Variants in AKAP6 observed in about 807,000 individuals in gnomAD.
The protein encoded by AKAP6 is A-kinase anchor protein 6.
A neutral mutation model predicts 188.5 loss-of-function variants in AKAP6; 58 were observed. The observed-to-expected ratio is 0.31, with a 90% CI of 0.25 to 0.38. The LOEUF (loss-of-function observed/expected upper bound fraction) is 0.38. AKAP6 is among the 10% of genes least tolerant of loss of function. The pLI, the probability that AKAP6 is intolerant of heterozygous loss-of-function variation, is 1.00. For synonymous variants in AKAP6, 989 were observed against 998.6 expected, an observed-to-expected ratio of 0.99 and a Z score of 0.18; for missense variants, 2,710 against 2,740.0, an observed-to-expected ratio of 0.99 and a Z score of 0.24.
At chr14:32,469,869 A>G (rs1189210863) in intron 2 of AKAP6, among the ~76,000 whole-genome samples, 1 of 152,198 alleles carries the variant, frequency 6.6e-6, no homozygotes, top group African/African-American at 2.4e-5. Context: ...GATGCTTGAC[A>G]TGCATATATG....
intron 1 of AKAP6, among the ~76,000 whole-genome samples, chr14:32,382,871 G>A (rs2138557421): frequency 6.6e-6 from 1 of 152,204 alleles, no homozygotes; most frequent in South Asian, 2.1e-4. Flanking sequence ...GTAGCAGCTG[G>A]GCTGAGGAGA....
chr14:32,607,353 A>C (rs1290113981), intron 7 of AKAP6, among the ~76,000 whole-genome samples: 3 of 152,244 alleles, frequency 2.0e-5, no homozygotes, highest in African/African-American at 4.8e-5. Context: ...ACTGATGCAC[A>C]TATTTGTAAG....
At chr14:32,776,579 C>T (rs555018914) in intron 12 of AKAP6, among the ~76,000 whole-genome samples, 1 of 152,308 alleles carries the variant, frequency 6.6e-6, no homozygotes, top group Non-Finnish European at 1.5e-5. Flanking sequence ...GAAATACTTG[C>T]ACATAGTAGG....
intron 11 of AKAP6, among the ~76,000 whole-genome samples, chr14:32,756,144 C>T (rs1464389864): frequency 6.6e-6 from 1 of 151,990 alleles, no homozygotes; most frequent in East Asian, 1.9e-4. Context: ...TAGGATCATG[C>T]CTGGAGCTAG....
intron 7 of AKAP6, among the ~76,000 whole-genome samples, chr14:32,601,368 TACA>T (rs1295548922): frequency 6.6e-6 from 1 of 152,222 alleles, no homozygotes; most frequent in African/African-American, 2.4e-5. Context: ...AAGCACCGAA[TACA>T]ACAAGTACTT....
At chr14:32,507,105 C>T (rs964679303) in intron 2 of AKAP6, among the ~76,000 whole-genome samples, 1 of 152,122 alleles carries the variant, frequency 6.6e-6, no homozygotes, top group Non-Finnish European at 1.5e-5. Context: ...CATCTTCTTT[C>T]CAGCTTAGTC....
chr14:32,462,981 A>T (rs1891401225), intron 2 of AKAP6, among the ~76,000 whole-genome samples: 1 of 21,496 alleles, frequency 4.7e-5, no homozygotes, highest in South Asian at 1.3e-3. Context: ...AACAAAGATT[A>T]AAAAAAAAAA....
intron 8 of AKAP6, among the ~76,000 whole-genome samples, chr14:32,691,223 A>G (rs1890164944): frequency 6.6e-6 from 1 of 152,180 alleles, no homozygotes; most frequent in East Asian, 1.9e-4. Flanking sequence ...TTGTCATGAG[A>G]AATTCAAGAG....
At chr14:32,664,334 TTGTG>T (rs1423596188) in intron 7 of AKAP6, among the ~76,000 whole-genome samples, 1 of 151,770 alleles carries the variant, frequency 6.6e-6, no homozygotes, top group Non-Finnish European at 1.5e-5. Flanking sequence ...TGTTGTAGAG[TTGTG>T]TGTATGTGTG....
At chr14:32,596,725 C>CCATATGTACACA (rs1885719364) in intron 5 of AKAP6, among the ~76,000 whole-genome samples, 1 of 152,052 alleles carries the variant, frequency 6.6e-6, no homozygotes, top group African/African-American at 2.4e-5. Flanking sequence ...GGACTGTACA[C>CCATATGTACACA]CATAGGGCAT....
chr14:32,611,133 G>T (rs1293547301), intron 7 of AKAP6, among the ~76,000 whole-genome samples: 1 of 152,168 alleles, frequency 6.6e-6, no homozygotes, highest in African/African-American at 2.4e-5. Flanking sequence ...ATAGGATTTG[G>T]TATCTAGGGG....
At chr14:32,636,615 A>G (rs967171116) in intron 7 of AKAP6, among the ~76,000 whole-genome samples, 12 of 152,114 alleles carry the variant, frequency 7.9e-5, no homozygotes, top group Non-Finnish European at 1.3e-4. Context: ...GGATGTCTAC[A>G]CTGGGAATCA....
At chr14:32,466,628 G>A (rs151023188) in intron 2 of AKAP6, among the ~76,000 whole-genome samples, 3,557 of 151,182 alleles carry the variant, frequency 0.024, 52 homozygotes, top group Middle Eastern at 0.041. Context: ...TAATGCATGC[G>A]GGGCTTAAAA....
At chr14:32,788,886 C>G (rs188403696) in intron 12 of AKAP6, among the ~76,000 whole-genome samples, 3 of 152,296 alleles carry the variant, frequency 2.0e-5, no homozygotes, top group Admixed American at 2.0e-4. Context: ...GGCCCCACTT[C>G]CACGGCACCT....
intron 9 of AKAP6, among the ~76,000 whole-genome samples, chr14:32,728,255 T>C (rs1269205654): frequency 6.7e-6 from 1 of 148,886 alleles, no homozygotes; most frequent in Non-Finnish European, 1.5e-5. Flanking sequence ...TTTTCACACA[T>C]TATTTTGCCA....
chr14:32,532,419 C>T (rs184147483), intron 2 of AKAP6, among the ~76,000 whole-genome samples: 1 of 152,168 alleles, frequency 6.6e-6, no homozygotes, highest in Non-Finnish European at 1.5e-5. Flanking sequence ...TTAACTGGCA[C>T]CAATGATACC....
At chr14:32,706,452 A>G (rs573075998) in intron 9 of AKAP6, among the ~76,000 whole-genome samples, 1 of 152,158 alleles carries the variant, frequency 6.6e-6, no homozygotes, top group Non-Finnish European at 1.5e-5. Context: ...GAAAACATTT[A>G]TGCTTTTTGG....
chr14:32,343,305 C>A (rs72666130), intron 1 of AKAP6, among the ~76,000 whole-genome samples: 11,379 of 152,046 alleles, frequency 0.075, 523 homozygotes, highest in Non-Finnish European at 0.085. Context: ...AGGAGGTGCT[C>A]TGGAGTGGTT....
At chr14:32,688,544 T>G (rs1448502688) in intron 8 of AKAP6, among the ~76,000 whole-genome samples, 4 of 152,108 alleles carry the variant, frequency 2.6e-5, no homozygotes, top group Admixed American at 1.3e-4. Flanking sequence ...AAAATGAAAT[T>G]TTATCTATCA....
Sources: gnomAD v4.1 joint callset for allele counts (sites outside exome capture counted in the v4.1 genomes callset) on GRCh38, gnomAD v4.1.1 for gene constraint, MANE v1.5 for transcripts, NCBI Gene and HGNC (gene_info 2026-07-23, HGNC 2026-07-21) for gene names.